The following NKAIN3 variants were observed in gnomAD, a reference collection of about 807,000 sequenced individuals.
NKAIN3 encodes sodium/potassium-transporting ATPase subunit beta-1-interacting protein 3.
In NKAIN3, 25 loss-of-function variants were observed where a neutral mutation model predicts 30.2. The ratio of observed to expected loss-of-function variants is 0.83; its 90% CI spans 0.60 to 1.16. The LOEUF (loss-of-function observed/expected upper bound fraction) is 1.16. Ranked by LOEUF, NKAIN3 falls within the 50% of genes most tolerant of loss-of-function variation. The pLI is 0.00. For synonymous variants in NKAIN3, 91 were observed against 89.6 expected (o/e 1.02, Z -0.09); for missense variants, 225 against 254.1 (o/e 0.89, Z 0.78).
chr8:62,748,817 T>A (rs181157219), intron 4 of NKAIN3, among the ~76,000 whole-genome samples: 2 of 152,314 alleles, frequency 1.3e-5, no homozygotes, highest in East Asian at 3.9e-4. Context: ...AATCTGATCA[T>A]TCTAGGTTTC....
At chr8:62,929,323 G>T (rs1350146296) in intron 5 of NKAIN3, among the ~76,000 whole-genome samples, 2 of 152,164 alleles carry the variant, frequency 1.3e-5, no homozygotes, top group African/African-American at 4.8e-5. Flanking sequence ...AGGATAAAAA[G>T]TATACTGTGT....
chr8:62,494,579 T>G (rs1336539515), intron 1 of NKAIN3, among the ~76,000 whole-genome samples: 2 of 152,126 alleles, frequency 1.3e-5, no homozygotes, highest in African/African-American at 2.4e-5. Flanking sequence ...TTGGAATAGT[T>G]TCAGTAGGAA....
chr8:62,722,762 A>G (rs1437447254), intron 3 of NKAIN3, among the ~76,000 whole-genome samples: 1 of 152,154 alleles, frequency 6.6e-6, no homozygotes, highest in Non-Finnish European at 1.5e-5. Flanking sequence ...AGACACATCA[A>G]AATATGTATG....
chr8:62,678,066 G>C (rs1365721023), intron 3 of NKAIN3, among the ~76,000 whole-genome samples: 1 of 152,164 alleles, frequency 6.6e-6, no homozygotes, highest in African/African-American at 2.4e-5. Context: ...GTCCCTCACT[G>C]ATGACCACAC....
Position 62,625,762 on chromosome 8 carries a change from AT to A in NKAIN3, c.273+35970del, listed in dbSNP as rs567123249. Among the ~76,000 whole-genome samples the A allele has an allele frequency of 8.5e-5, 13 of 152,158 alleles. No individual in the cohort carries two copies. The South Asian group carries it at 2.7e-3, about 32-fold the overall frequency. On this transcript the variant is annotated intron_variant, in intron 3 of 6. Transcript: ENST00000623646. ...GTGAAAGAGTGAGAAGGAATTGGAA[AT>A]TGCCATTTTCTCTTCCTTTTTCCTT...
At chr8:62,626,847 A>T (rs1308237328) in intron 3 of NKAIN3, among the ~76,000 whole-genome samples, 2 of 152,152 alleles carry the variant, frequency 1.3e-5, no homozygotes, top group African/African-American at 4.8e-5. Context: ...TTCAGACAGT[A>T]AGTCAACCAC....
intron 1 of NKAIN3, among the ~76,000 whole-genome samples, chr8:62,563,312 C>A (rs1056592812): frequency 6.6e-6 from 1 of 152,064 alleles, no homozygotes; most frequent in African/African-American, 2.4e-5. Flanking sequence ...ATGATGAAGT[C>A]GCACTCTTTG....
chr8:62,641,292 T>C (rs1484339142), intron 3 of NKAIN3, among the ~76,000 whole-genome samples: 4 of 152,160 alleles, frequency 2.6e-5, no homozygotes, highest in African/African-American at 9.7e-5. Context: ...TAATAATTGC[T>C]TTGATTTTTG....
At chr8:62,614,437 T>C (rs1243868554) in intron 3 of NKAIN3, among the ~76,000 whole-genome samples, 1 of 152,172 alleles carries the variant, frequency 6.6e-6, no homozygotes, top group African/African-American at 2.4e-5. Context: ...ACTATGACTT[T>C]GCTGGGTCAG....
intron 4 of NKAIN3, among the ~76,000 whole-genome samples, chr8:62,913,216 C>T (rs931352713): frequency 3.3e-5 from 5 of 151,858 alleles, no homozygotes; most frequent in Non-Finnish European, 7.4e-5. Context: ...ATACATAAAC[C>T]AGTAGCATCA....
intron 1 of NKAIN3, among the ~76,000 whole-genome samples, chr8:62,446,826 G>A (rs1401645966): frequency 6.6e-6 from 1 of 152,058 alleles, no homozygotes; most frequent in Non-Finnish European, 1.5e-5. Context: ...TCCGCTGTAT[G>A]TATATGTATC....
At chr8:62,637,196 T>G (rs1812157583) in intron 3 of NKAIN3, among the ~76,000 whole-genome samples, 1 of 152,206 alleles carries the variant, frequency 6.6e-6, no homozygotes, top group Non-Finnish European at 1.5e-5. Context: ...CCAAAGACTT[T>G]TCATCCTTTC....
chr8:62,414,066 T>C (rs1804352515), intron 1 of NKAIN3, among the ~76,000 whole-genome samples: 1 of 152,298 alleles, frequency 6.6e-6, no homozygotes, highest in African/African-American at 2.4e-5. Flanking sequence ...CTTTTTGTAC[T>C]TCTGTGTGCA....
rs534825668 is a variant in NKAIN3, at chr8:62,333,639, C to T, written c.54+84512C>T. Among the ~76,000 whole-genome samples the T allele has an allele frequency of 5.9e-4, 89 of 152,050 alleles. No individual in the cohort carries two copies. In the South Asian group the frequency reaches 0.018, roughly 30 times the overall value. On this transcript the variant is annotated intron_variant, in intron 1 of 6. Transcript: ENST00000623646. ...CATTTTTCTTAGCTATATATATGAA[C>T]GTATAGTAAACATAAGCAGCACAAA...
chr8:62,430,041 T>C (rs1804944768), intron 1 of NKAIN3, among the ~76,000 whole-genome samples: 1 of 151,882 alleles, frequency 6.6e-6, no homozygotes, highest in Admixed American at 6.6e-5. Context: ...TCACTTTCTC[T>C]GTGATTTTCA....
chr8:62,383,808 AATATGTATTTTG>A (rs2129594110), intron 1 of NKAIN3, among the ~76,000 whole-genome samples: 1 of 152,226 alleles, frequency 6.6e-6, no homozygotes, highest in African/African-American at 2.4e-5. Context: ...AATACAAGAG[AATATGTATTTTG>A]CAAAAAGCAC....
intron 1 of NKAIN3, among the ~76,000 whole-genome samples, chr8:62,478,156 A>G (rs1208147640): frequency 6.6e-6 from 1 of 152,048 alleles, no homozygotes; most frequent in East Asian, 1.9e-4. Context: ...TGTAACTGAT[A>G]GGAGTTATTA....
At chr8:62,951,316 C>A (rs1241447393) in intron 5 of NKAIN3, among the ~76,000 whole-genome samples, 3 of 152,032 alleles carry the variant, frequency 2.0e-5, no homozygotes, top group African/African-American at 7.2e-5. Context: ...TGATATCAGT[C>A]TTATATACCA....
intron 3 of NKAIN3, among the ~76,000 whole-genome samples, chr8:62,653,988 T>C (rs1027256390): frequency 6.6e-6 from 1 of 152,064 alleles, no homozygotes; most frequent in Admixed American, 6.6e-5. Flanking sequence ...TACAGATTTT[T>C]ACAGAAAGCC....
Sources: allele counts gnomAD v4.1 joint callset (sites outside exome capture counted in the v4.1 genomes callset), GRCh38; gene constraint gnomAD v4.1.1; transcripts MANE v1.5; gene names NCBI Gene and HGNC (gene_info 2026-07-23, HGNC 2026-07-21).